Variants in EDRF1 observed in about 807,000 individuals in gnomAD.
EDRF1 encodes the protein erythroid differentiation regulatory factor 1.
In EDRF1, 69 loss-of-function variants were observed where a neutral mutation model predicts 148.7. The observed-to-expected ratio is 0.46, with a 90% CI of 0.38 to 0.57. The LOEUF is 0.57. EDRF1 is among the 20% of genes least tolerant of loss of function. EDRF1 has a pLI of 0.00. For synonymous variants in EDRF1, 515 were observed against 532.8 expected (o/e 0.97, Z 0.46); for missense variants, 1,118 against 1,478.7 (o/e 0.76, Z 4.00).
intron 4 of EDRF1, 44 bp from the exon 5 acceptor site, chr10:125,725,274 G>T: frequency 6.2e-7 from 1 of 1,611,650 alleles, no homozygotes; most frequent in South Asian, 1.1e-5. Flanking sequence ...ACATTGTTTC[G>T]ACTATGTGTG....
At chr10:125,742,610 C>G in intron 17 of EDRF1, 1 of 985,306 alleles carries the variant, frequency 1.0e-6, no homozygotes, top group African/African-American at 1.7e-5. Flanking sequence ...GTTAAATATT[C>G]TTTTTACTCT....
Position 125,763,266 on chromosome 10 carries a change from T to C in EDRF1, c.3546-35T>C. Reference sequence around the variant, plus strand: ...CTGAATTGTCGGTAGGCATTGCTGGTCCCTTACCTGTCTCTTTTTCTTTTT... The same window carrying C: ...CTGAATTGTCGGTAGGCATTGCTGGCCCCTTACCTGTCTCTTTTTCTTTTT... On this transcript the variant is annotated intron_variant, in intron 24 of 24. Coordinates refer to ENST00000356792, the MANE Select transcript of EDRF1 (RefSeq NM_001202438.2). This position sits in a 1 kb window ranked among gnomAD's most constrained non-coding sequence, Gnocchi z 4.3. The C allele has an allele frequency of 6.3e-7, 1 of 1,597,260 alleles. No individual in the cohort carries two copies. The highest frequency in any genetic ancestry group is 8.5e-7 in the Non-Finnish European group (1 of 1,171,654).
rs753615137 is a variant in EDRF1, at chr10:125,733,647, A to G, written c.1289A>G (p.Asp430Gly). ...TYWLFKASGS[D>G]IVKLYDLTTL... Reference sequence around the variant, plus strand: ...TTTTTCTTTTCAGCAAGTGGCAGCGATATAGTGAAGCTCTATGACCTCACT... The same window carrying G: ...TTTTTCTTTTCAGCAAGTGGCAGCGGTATAGTGAAGCTCTATGACCTCACT... Residue 430 changes from aspartate (D) to glycine (G), a missense_variant, in exon 11 of 25, where the codon GAT becomes GGT. Asp to Gly is a moderately conservative substitution (Grantham distance 94). Coordinates refer to ENST00000356792, the MANE Select transcript of EDRF1 (RefSeq NM_001202438.2). 6.2e-7 allele frequency: 1 copy of G among 1,613,560 alleles called. No homozygotes were observed. Among genetic ancestry groups the G allele is most frequent in the East Asian group, 2.2e-5 (1 of 44,842 alleles).
rs74162846 is a variant in EDRF1, at chr10:125,719,958, G to C, written c.108+43G>C. The C allele has an allele frequency of 0.016, 25,366 of 1,569,118 alleles. 2,876 individuals carry two copies. In the African/African-American group the frequency reaches 0.27, roughly 17 times the overall value. On this transcript the variant is annotated intron_variant, in intron 1 of 24. Transcript: ENST00000356792. The stretch of plus-strand genomic sequence containing the variant: ...GGGGACCTGCCAGGGATGTGGGAGC[G>C]GAGGACCCGCTCCACCGGGGAGGGA...
intron 19 of EDRF1, chr10:125,747,227 A>AG (rs1382931327): frequency 1.0e-5 from 3 of 293,420 alleles, no homozygotes; most frequent in South Asian, 4.9e-5. Context: ...TCATTTAGAA[A>AG]GAAAAAAAAA....
In EDRF1 at chr10:125,740,983, C is replaced by A; in HGVS notation, c.2171-18C>A. 6.2e-7 allele frequency: 1 copy of A among 1,612,302 alleles called. No homozygotes were observed. The highest frequency in any genetic ancestry group is 8.5e-7 in the Non-Finnish European group (1 of 1,178,934). ...TTCTGCATTTGTGTTTTTTCTTCTT[C>A]CCTCCCTTTCTAAACAGATACTTAT... On this transcript the variant is annotated intron_variant, in intron 16 of 24. Transcript: ENST00000356792.
At chr10:125,730,231 GATTA>G (rs756692130) in intron 8 of EDRF1, 53 bp from the exon 9 acceptor site, 46 of 1,321,264 alleles carry the variant, frequency 3.5e-5, no homozygotes, top group South Asian at 1.5e-4. Context: ...ACTTTCAGAT[GATTA>G]ATTAAGGAAC....
chr10:125,721,476 T>C, intron 2 of EDRF1, 64 bp downstream of exon 2: 1 of 1,476,586 alleles, frequency 6.8e-7, no homozygotes, highest in Non-Finnish European at 9.4e-7. Flanking sequence ...CTTATTTGCT[T>C]TTAAATTCAG....
At chr10:125,738,842 G>T (rs1848867521) in intron 15 of EDRF1, among the ~76,000 whole-genome samples, 3 of 152,142 alleles carry the variant, frequency 2.0e-5, no homozygotes, top group Admixed American at 2.0e-4. Flanking sequence ...GATAATAATG[G>T]TTTCTTTAAA....
chr10:125,763,254 A>G lies in EDRF1; in HGVS notation c.3546-47A>G, dbSNP rs369689426. 1.9e-6 allele frequency: 3 copies of G among 1,563,518 alleles called. No homozygotes were observed. The East Asian group carries it at 6.7e-5, about 35-fold the overall frequency. ...TTTTCTGGACCTCTGAATTGTCGGT[A>G]GGCATTGCTGGTCCCTTACCTGTCT... On this transcript the variant is annotated intron_variant, in intron 24 of 24. Transcript: ENST00000356792. The surrounding 1 kb of genome is among the most constrained non-coding windows in gnomAD (Gnocchi z 4.3).
chr10:125,725,602 G>A, intron 5 of EDRF1, 80 bp from the exon 6 acceptor site: 2 of 1,589,312 alleles, frequency 1.3e-6, no homozygotes, highest in Non-Finnish European at 1.7e-6. Flanking sequence ...ATTACAGATT[G>A]TAGTTTTTAT....
intron 23 of EDRF1, among the ~76,000 whole-genome samples, chr10:125,753,379 G>GC (rs1247561359): frequency 6.6e-6 from 1 of 152,134 alleles, no homozygotes; most frequent in Non-Finnish European, 1.5e-5. Flanking sequence ...GCTTCCTGAA[G>GC]CCCCCATGTT....
chr10:125,740,347 C>A, intron 15 of EDRF1, 116 bp from the exon 16 acceptor site: 1 of 1,044,888 alleles, frequency 9.6e-7, no homozygotes, highest in Non-Finnish European at 1.4e-6. Flanking sequence ...ATAGTATTTA[C>A]CAGTCTTGTC....
intron 8 of EDRF1, 43 bp from the exon 9 acceptor site, chr10:125,730,245 C>T: frequency 7.2e-7 from 1 of 1,391,812 alleles, no homozygotes; most frequent in Non-Finnish European, 1.0e-6. Context: ...AATTAAGGAA[C>T]ATCTTAATTA....
intron 24 of EDRF1, among the ~76,000 whole-genome samples, chr10:125,758,427 G>A (rs1850022655): frequency 6.6e-6 from 1 of 152,092 alleles, no homozygotes; most frequent in African/African-American, 2.4e-5. Flanking sequence ...GACACCTTAT[G>A]TATGATAGTA....
chr10:125,726,868 A>G (rs549488519), intron 6 of EDRF1, among the ~76,000 whole-genome samples: 1 of 152,120 alleles, frequency 6.6e-6, no homozygotes, highest in Admixed American at 6.5e-5. Flanking sequence ...TACAAATACT[A>G]CCCTCCTATT....
At chr10:125,735,557 C>T (rs1848683787) in intron 12 of EDRF1, 87 bp from the exon 13 acceptor site, 9 of 1,337,846 alleles carry the variant, frequency 6.7e-6, no homozygotes, top group Admixed American at 1.9e-5. Flanking sequence ...GTGTGCAGAC[C>T]TCCTCCTAAA....
chr10:125,739,476 T>G (rs17153489), intron 15 of EDRF1, among the ~76,000 whole-genome samples: 3,836 of 152,326 alleles, frequency 0.025, 172 homozygotes, highest in African/African-American at 0.085. Flanking sequence ...GCCTGCCTTA[T>G]GTCAGAGTTC....
intron 22 of EDRF1, chr10:125,749,925 G>T: frequency 2.9e-6 from 1 of 341,264 alleles, no homozygotes; most frequent in Non-Finnish European, 5.7e-6. Context: ...CAGATCACCT[G>T]AGGTCAGGAG....
Sources: gnomAD v4.1 joint callset for allele counts (sites outside exome capture counted in the v4.1 genomes callset) on GRCh38, gnomAD v4.1.1 for gene constraint, Gnocchi (gnomAD v3.1) non-coding constraint, MANE v1.5 for transcripts, NCBI Gene and HGNC (gene_info 2026-07-23, HGNC 2026-07-21) for gene names.